The following MACROD2 variants were observed in gnomAD, a reference collection of about 807,000 sequenced individuals.
MACROD2 encodes the protein mono-ADP ribosylhydrolase 2, also known as ADP-ribose glycohydrolase MACROD2.
In MACROD2, 36 loss-of-function variants were observed where a neutral mutation model predicts 70.4. The ratio of observed to expected loss-of-function variants is 0.51; its 90% CI spans 0.39 to 0.68. The LOEUF is 0.68. MACROD2 is among the 30% of genes least tolerant of loss of function. MACROD2 has a pLI of 0.00. For missense variants in MACROD2, 496 were observed against 538.4 expected (o/e 0.92, Z 0.78); for synonymous variants, 172 against 178.8 (o/e 0.96, Z 0.30).
chr20:15,000,293 G>T (rs1180604756), intron 5 of MACROD2, among the ~76,000 whole-genome samples: 1 of 152,108 alleles, frequency 6.6e-6, no homozygotes, highest in African/African-American at 2.4e-5. Context: ...TATAAATGAG[G>T]TGTTTGGAAT....
rs1338382317 is a variant in MACROD2, at chr20:14,560,007, A to G, written c.301+66499A>G. On this transcript the variant is annotated intron_variant, in intron 4 of 17. Coordinates refer to ENST00000684519, the MANE Select transcript of MACROD2 (RefSeq NM_001351661.2). ...TTTGTTTTGACCTCCTGAATGTGAAAATGTTTAATAGCATGTATATTTACA... is the reference window on the plus strand; with the variant it reads ...TTTGTTTTGACCTCCTGAATGTGAAGATGTTTAATAGCATGTATATTTACA... 2.0e-5 allele frequency among the ~76,000 whole-genome samples: 3 copies of G among 151,670 alleles called. No individual in the cohort carries two copies. The East Asian group carries it at 5.8e-4, about 29-fold the overall frequency.
chr20:14,019,899 G>T (rs934975825), intron 2 of MACROD2, among the ~76,000 whole-genome samples: 7 of 152,168 alleles, frequency 4.6e-5, no homozygotes, highest in Non-Finnish European at 1.0e-4. Flanking sequence ...CATCTTAGCA[G>T]AATTCATGCC....
At chr20:14,951,904 G>A (rs953544393) in intron 5 of MACROD2, among the ~76,000 whole-genome samples, 2 of 146,748 alleles carry the variant, frequency 1.4e-5, no homozygotes, top group Non-Finnish European at 3.0e-5. Context: ...CCCCTTCAGG[G>A]CAGCTTCTCC....
At chr20:14,030,490 C>T (rs1469639797) in intron 2 of MACROD2, among the ~76,000 whole-genome samples, 2 of 151,972 alleles carry the variant, frequency 1.3e-5, no homozygotes, top group African/African-American at 4.8e-5. Flanking sequence ...CTAGCTGCAA[C>T]CTCTGCCTCC....
intron 5 of MACROD2, among the ~76,000 whole-genome samples, chr20:14,828,477 A>G (rs1450331664): frequency 5.3e-5 from 8 of 152,122 alleles, no homozygotes; most frequent in Admixed American, 5.2e-4. Flanking sequence ...ATTCAAAGCC[A>G]TTTGAGTGCT....
chr20:14,912,171 T>C (rs2074035823), intron 5 of MACROD2, among the ~76,000 whole-genome samples: 1 of 152,176 alleles, frequency 6.6e-6, no homozygotes, highest in African/African-American at 2.4e-5. Context: ...TGTCTGTCTG[T>C]CTTAAGAAGG....
chr20:14,124,304 C>T (rs2054619590), intron 3 of MACROD2, among the ~76,000 whole-genome samples: 1 of 152,098 alleles, frequency 6.6e-6, no homozygotes, highest in African/African-American at 2.4e-5. Flanking sequence ...GCTTAGGCCA[C>T]CTTTAGAGGG....
At chr20:14,113,701 G>A (rs2054480766) in intron 3 of MACROD2, among the ~76,000 whole-genome samples, 1 of 152,064 alleles carries the variant, frequency 6.6e-6, no homozygotes, top group South Asian at 2.1e-4. Context: ...TTTCCAGGTG[G>A]AAATTAATTC....
intron 6 of MACROD2, among the ~76,000 whole-genome samples, chr20:15,426,638 CT>C (rs1006883880): frequency 1.3e-4 from 20 of 151,686 alleles, no homozygotes; most frequent in Non-Finnish European, 2.4e-4. Flanking sequence ...TTTTGTCTCC[CT>C]AGAATTTCTG....
chr20:15,489,910 T>C (rs944317693), intron 7 of MACROD2, among the ~76,000 whole-genome samples: 2 of 152,156 alleles, frequency 1.3e-5, no homozygotes, highest in Non-Finnish European at 2.9e-5. Flanking sequence ...TGGGAGATAT[T>C]ATATACATTT....
At chr20:15,575,191 G>C (rs1490556080) in intron 8 of MACROD2, among the ~76,000 whole-genome samples, 2 of 152,010 alleles carry the variant, frequency 1.3e-5, no homozygotes, top group Admixed American at 1.3e-4. Flanking sequence ...TTTTTTTCTT[G>C]CAAGGTTTGC....
intron 5 of MACROD2, among the ~76,000 whole-genome samples, chr20:14,831,923 TGGGGATGCA>T (rs2072972994): frequency 1.3e-5 from 2 of 148,450 alleles, no homozygotes; most frequent in Non-Finnish European, 3.0e-5. Context: ...GTTATGTTCT[TGGGGATGCA>T]TTCTGACTAT....
chr20:15,014,067 A>ATC, intron 5 of MACROD2, among the ~76,000 whole-genome samples: 1 of 152,218 alleles, frequency 6.6e-6, no homozygotes, highest in Non-Finnish European at 1.5e-5. Context: ...TTTTGGTTTT[A>ATC]TGCAGGCACA....
intron 8 of MACROD2, among the ~76,000 whole-genome samples, chr20:15,576,626 T>C (rs964342114): frequency 6.6e-6 from 1 of 151,382 alleles, no homozygotes; most frequent in Non-Finnish European, 1.5e-5. Context: ...TGGGTGAGGC[T>C]CACTCTGAAT....
chr20:15,070,931 A>G (rs2123106870), intron 5 of MACROD2, among the ~76,000 whole-genome samples: 1 of 152,078 alleles, frequency 6.6e-6, no homozygotes, highest in East Asian at 1.9e-4. Context: ...AAAACCCAAA[A>G]AAGTCTTAAA....
chr20:14,473,027 T>C (rs2084548207), intron 3 of MACROD2, among the ~76,000 whole-genome samples: 1 of 152,172 alleles, frequency 6.6e-6, no homozygotes, highest in Non-Finnish European at 1.5e-5. Flanking sequence ...TTTAAAAGTT[T>C]TATTTTATTT....
At position 14,394,360 on chromosome 20, in the gene MACROD2, T is replaced by A. The variant is rs573003463; in HGVS notation, c.272-99119T>A. On this transcript the variant is annotated intron_variant, in intron 3 of 17. Coordinates refer to ENST00000684519, the MANE Select transcript of MACROD2 (RefSeq NM_001351661.2). ...CAGATTTATACCTAAATATTACATA[T>A]TTTTGATGCTATGGTAAATGGAAAA... Among the ~76,000 whole-genome samples the A allele has an allele frequency of 2.0e-5, 3 of 152,340 alleles. No individual in the cohort carries two copies. In the East Asian group the frequency reaches 5.8e-4, roughly 29 times the overall value.
intron 5 of MACROD2, among the ~76,000 whole-genome samples, chr20:14,800,806 G>GA (rs1480639014): frequency 1.3e-5 from 2 of 150,822 alleles, no homozygotes; most frequent in Non-Finnish European, 3.0e-5. Flanking sequence ...GTCTTGAATT[G>GA]AAAAAATCTC....
chr20:14,108,000 T>A (rs145159371), intron 3 of MACROD2, among the ~76,000 whole-genome samples: 479 of 152,278 alleles, frequency 3.1e-3, no homozygotes, highest in East Asian at 0.011. Context: ...AATTGTGGTG[T>A]ATAAACTACT....
Sources: gnomAD v4.1 joint callset for allele counts (sites outside exome capture counted in the v4.1 genomes callset) on GRCh38, gnomAD v4.1.1 for gene constraint, MANE v1.5 for transcripts, NCBI Gene and HGNC (gene_info 2026-07-23, HGNC 2026-07-21) for gene names.